The following FUT8 variants were observed in gnomAD, a reference collection of about 807,000 sequenced individuals.
FUT8 encodes alpha-(1,6)-fucosyltransferase.
FUT8 carries 29 observed loss-of-function variants against 71.3 expected under a neutral mutation model. That is an observed-to-expected ratio of 0.41 (90% CI 0.30 to 0.55). The LOEUF (loss-of-function observed/expected upper bound fraction) is 0.55, where lower values mean the gene tolerates loss of function less well. Ranked by LOEUF, FUT8 falls within the 20% of genes least tolerant of loss-of-function variation. FUT8 has a pLI of 0.34. For missense variants in FUT8, 544 were observed against 702.1 expected, an observed-to-expected ratio of 0.77 and a Z score of 2.55; for synonymous variants, 254 against 239.3, an observed-to-expected ratio of 1.06 and a Z score of -0.57.
chr14:65,716,998 G>C (rs1035915537), intron 7 of FUT8, among the ~76,000 whole-genome samples: 8 of 143,902 alleles, frequency 5.6e-5, no homozygotes, highest in African/African-American at 2.1e-4. Flanking sequence ...TTCCCAGACG[G>C]GGTGGCCGGG....
intron 6 of FUT8, chr14:65,646,091 G>A (rs527387581): frequency 6.6e-6 from 1 of 152,244 alleles, no homozygotes; most frequent in South Asian, 2.1e-4. Flanking sequence ...AACTCATGAT[G>A]GTGAAATTTT....
At chr14:65,522,063 C>T (rs1017937613) in intron 2 of FUT8, among the ~76,000 whole-genome samples, 5 of 152,052 alleles carry the variant, frequency 3.3e-5, no homozygotes, top group Non-Finnish European at 7.4e-5. Context: ...TAACTTTAGT[C>T]CATTGATGGG....
chr14:65,628,015 G>C (rs1364107369), intron 5 of FUT8, among the ~76,000 whole-genome samples: 1 of 152,116 alleles, frequency 6.6e-6, no homozygotes, highest in African/African-American at 2.4e-5. Context: ...GTGATAGGCG[G>C]GAGTGTTGGA....
chr14:65,419,417 A>G lies in FUT8; in HGVS notation c.-326+6203A>G, dbSNP rs533958137. ...CTCCACTCATGGGAGTACTGTTAGC[A>G]GGTTTAAGACAGTTACTGTGAGAAG... On this transcript the variant is annotated intron_variant, in intron 1 of 10. Transcript: ENST00000673929. 4.6e-5 allele frequency among the ~76,000 whole-genome samples: 7 copies of G among 152,350 alleles called. No individual in the cohort carries two copies. The South Asian group carries it at 1.4e-3, about 32-fold the overall frequency.
At chr14:65,624,507 A>G (rs1391200260) in intron 5 of FUT8, among the ~76,000 whole-genome samples, 1 of 152,266 alleles carries the variant, frequency 6.6e-6, no homozygotes, top group African/African-American at 2.4e-5. Flanking sequence ...AGCATAAACC[A>G]TGCTAATGCT....
At chr14:65,511,007 A>G (rs1882303807) in intron 2 of FUT8, among the ~76,000 whole-genome samples, 1 of 151,804 alleles carries the variant, frequency 6.6e-6, no homozygotes, top group Non-Finnish European at 1.5e-5. Flanking sequence ...TTGTATATTT[A>G]AAGTTTTTCT....
chr14:65,659,998 C>T (rs951071847), intron 6 of FUT8, among the ~76,000 whole-genome samples: 2 of 152,142 alleles, frequency 1.3e-5, no homozygotes, highest in Non-Finnish European at 2.9e-5. Flanking sequence ...TGAGAAGATA[C>T]ATTTTCTGTG....
intron 3 of FUT8, among the ~76,000 whole-genome samples, chr14:65,592,453 T>C (rs1887746104): frequency 1.3e-5 from 2 of 152,082 alleles, no homozygotes; most frequent in African/African-American, 2.4e-5. Flanking sequence ...CGTACCTACC[T>C]ACCTTCCTAT....
chr14:65,403,202 T>C, the FUT8 span, among the ~76,000 whole-genome samples: 2 of 152,198 alleles, frequency 1.3e-5, no homozygotes, highest in Admixed American at 6.5e-5. Flanking sequence ...TTAGGAGTAT[T>C]ATATGTAATA....
chr14:65,678,017 T>C (rs1249415609), intron 7 of FUT8, among the ~76,000 whole-genome samples: 2 of 152,204 alleles, frequency 1.3e-5, no homozygotes, highest in African/African-American at 4.8e-5. Context: ...CTGTGTTACT[T>C]TGGGTAGTGT....
At chr14:65,615,054 T>G (rs966115969) in intron 3 of FUT8, among the ~76,000 whole-genome samples, 55 of 152,336 alleles carry the variant, frequency 3.6e-4, no homozygotes, top group African/African-American at 1.3e-3. Context: ...TGACTGATTG[T>G]TTTTGTTGCT....
At chr14:65,718,671 C>T (rs1164567023) in intron 7 of FUT8, among the ~76,000 whole-genome samples, 3 of 152,172 alleles carry the variant, frequency 2.0e-5, no homozygotes, top group Admixed American at 2.0e-4. Flanking sequence ...TGAAATCTCT[C>T]AGCTTTTGTT....
intron 7 of FUT8, among the ~76,000 whole-genome samples, chr14:65,677,148 G>GCGCGCGCGCGCGCA (rs1555383275): frequency 8.8e-6 from 1 of 114,212 alleles, no homozygotes; most frequent in Non-Finnish European, 1.9e-5. Context: ...GTGTGTGTGT[G>GCGCGCGCGCGCGCA]TGTGCGCGCG....
rs2066363337 is a variant in FUT8 at position 65,483,550 on chromosome 14, T to C, written c.-228+27832T>C. 6.6e-6 allele frequency among the ~76,000 whole-genome samples: 1 copy of C among 152,238 alleles called. No homozygotes were observed. Among genetic ancestry groups the C allele is most frequent in the Non-Finnish European group, 1.5e-5 (1 of 68,034 alleles). On this transcript the variant is annotated intron_variant, in intron 2 of 10. Coordinates refer to ENST00000673929, the MANE Select transcript of FUT8 (RefSeq NM_001371533.1). This position sits in a 1 kb window ranked among gnomAD's most constrained non-coding sequence, Gnocchi z 4.4. The stretch of plus-strand genomic sequence containing the variant: ...TGAGGGACAGTTGACATCTTAACGA[T>C]ATCAAGTCTTCTGACTCATGAATAA...
intron 6 of FUT8, among the ~76,000 whole-genome samples, chr14:65,666,195 G>T (rs192651964): frequency 1.4e-3 from 214 of 152,162 alleles, no homozygotes; most frequent in Non-Finnish European, 2.4e-3. Flanking sequence ...TCTTTTCACT[G>T]CAATCTCCTT....
At chr14:65,623,901 G>A (rs983378550) in intron 5 of FUT8, among the ~76,000 whole-genome samples, 10 of 152,156 alleles carry the variant, frequency 6.6e-5, no homozygotes, top group South Asian at 4.2e-4. Context: ...TGATATGTTC[G>A]TAGTCAAAAC....
At chr14:65,442,558 G>A (rs995989959) in intron 1 of FUT8, among the ~76,000 whole-genome samples, 9 of 150,888 alleles carry the variant, frequency 6.0e-5, no homozygotes, top group Admixed American at 6.6e-5. Flanking sequence ...GTATAGGCCC[G>A]CTGTGGTGGC....
intron 9 of FUT8, among the ~76,000 whole-genome samples, chr14:65,727,447 A>G (rs1337703234): frequency 6.6e-6 from 1 of 152,172 alleles, no homozygotes; most frequent in East Asian, 1.9e-4. Context: ...GAAGCTGCCA[A>G]GGCTTGGGGC....
At chr14:65,445,987 T>A (rs563860149) in intron 1 of FUT8, among the ~76,000 whole-genome samples, 5 of 152,356 alleles carry the variant, frequency 3.3e-5, no homozygotes, top group Non-Finnish European at 4.4e-5. Flanking sequence ...ATTGGGATGG[T>A]CACCTAGTAC....
Sources: gnomAD v4.1 joint callset for allele counts (sites outside exome capture counted in the v4.1 genomes callset) on GRCh38, gnomAD v4.1.1 for gene constraint, Gnocchi (gnomAD v3.1) non-coding constraint, MANE v1.5 for transcripts, NCBI Gene and HGNC (gene_info 2026-07-23, HGNC 2026-07-21) for gene names.